The following PROX1 variants were observed in gnomAD, a reference collection of about 807,000 sequenced individuals.
The protein encoded by PROX1 is prospero homeobox protein 1.
PROX1 carries 7 observed loss-of-function variants against 58.8 expected under a neutral mutation model. The ratio of observed to expected loss-of-function variants is 0.12; its 90% CI spans 0.07 to 0.22. PROX1 has a LOEUF of 0.22. Among genes scored for constraint, PROX1 ranks in the 10% least tolerant of loss-of-function variants. PROX1 has a pLI of 1.00. For synonymous variants in PROX1, 350 were observed against 358.3 expected (o/e 0.98, Z 0.26); for missense variants, 675 against 927.8 (o/e 0.73, Z 3.54).
In PROX1 at chr1:213,996,646, A is replaced by G. The variant is rs755731452; in HGVS notation, c.111A>G (p.Ala37=). The part of the protein sequence containing the change: ...VGTASAFFAK[A]RATFFSAMNP... ...CAGCATCTGCATTTTTTGCTAAGGC[A>G]AGAGCAACGTTTTTTAGTGCCATGA... Residue 37 remains alanine, a synonymous_variant, in exon 2 of 5, where the codon GCA becomes GCG. Transcript: ENST00000366958. The G allele has an allele frequency of 6.2e-7, 1 of 1,614,212 alleles. No individual in the cohort carries two copies. Among genetic ancestry groups the G allele is most frequent in the Non-Finnish European group, 8.5e-7 (1 of 1,180,042 alleles).
chr1:214,012,583 C>T (rs746381664), intron 4 of PROX1, among the ~76,000 whole-genome samples: 1 of 152,156 alleles, frequency 6.6e-6, no homozygotes, highest in Non-Finnish European at 1.5e-5. Flanking sequence ...CTCACAAAGG[C>T]ATTTTGCTGA....
At chr1:214,008,971 T>C (rs769734831) in intron 3 of PROX1, among the ~76,000 whole-genome samples, 1 of 152,224 alleles carries the variant, frequency 6.6e-6, no homozygotes, top group African/African-American at 2.4e-5. Context: ...ACCAGCTCCC[T>C]GTTCACTACT....
chr1:214,018,896 A>AG (rs769776910), intron 4 of PROX1, among the ~76,000 whole-genome samples: 2 of 152,206 alleles, frequency 1.3e-5, no homozygotes, highest in Non-Finnish European at 2.9e-5. Context: ...CATACCAAAA[A>AG]GGGGGTCATA....
At position 214,039,800 on chromosome 1, in the gene PROX1, TACACACACACAC is replaced by T. The variant is rs34477510; in HGVS notation, c.*3986_*3997del. 2.4e-4 allele frequency: 32 copies of T among 134,934 alleles called. No individual in the cohort carries two copies. Among genetic ancestry groups the T allele is most frequent in the Non-Finnish European group, 4.1e-4 (26 of 63,874 alleles). 8.4% of individuals were successfully genotyped at this position (134,934 alleles called of 1,614,324 possible). On this transcript the variant is annotated 3_prime_UTR_variant, in exon 5 of 5. Transcript: ENST00000366958. The stretch of plus-strand genomic sequence containing the variant: ...CCCTTCCCATGCGCACATGTGCGCA[TACACACACACAC>T]ACACACACACACACACACAAACACA...
In PROX1 at chr1:213,996,513, G is replaced by C; in HGVS notation, c.-23G>C. Reference sequence around the variant, plus strand: ...TGTGCCCAGCTGACGAGCTTTTGAAGATGGCACAATAACCGTCCAGTGATG... The same window carrying C: ...TGTGCCCAGCTGACGAGCTTTTGAACATGGCACAATAACCGTCCAGTGATG... On this transcript the variant is annotated 5_prime_UTR_variant, in exon 2 of 5. Transcript: ENST00000366958. 1 of 1,591,364 alleles carries C rather than the reference G, an allele frequency of 6.3e-7. No individual in the cohort carries two copies. Among genetic ancestry groups the C allele is most frequent in the East Asian group, 2.2e-5 (1 of 44,492 alleles).
At chr1:214,000,480 T>C (rs763177505) in intron 2 of PROX1, among the ~76,000 whole-genome samples, 30 of 152,240 alleles carry the variant, frequency 2.0e-4, no homozygotes, top group African/African-American at 6.5e-4. Context: ...GAGCGGTGAT[T>C]CTGTTGGGAA....
chr1:214,000,143 A>G (rs1385637890), intron 2 of PROX1, among the ~76,000 whole-genome samples: 1 of 151,722 alleles, frequency 6.6e-6, no homozygotes, highest in East Asian at 1.9e-4. Context: ...AGGTTTCAAA[A>G]CTCCTGTAAG....
At chr1:214,027,680 C>G (rs1042645833) in intron 4 of PROX1, among the ~76,000 whole-genome samples, 2 of 152,076 alleles carry the variant, frequency 1.3e-5, no homozygotes, top group Non-Finnish European at 1.5e-5. Flanking sequence ...ACGTCTGCCC[C>G]GTTTTGAAAC....
chr1:213,994,747 GCAAATATATATATATATATATATATA>G (rs1282087325), intron 1 of PROX1, among the ~76,000 whole-genome samples: 1 of 77,030 alleles, frequency 1.3e-5, no homozygotes, highest in South Asian at 5.4e-4. Flanking sequence ...TCTCAAGCAT[GCAAATATATATATATATATATATATA>G]TATATATATA....
At chr1:214,028,052 G>C (rs1664519912) in intron 4 of PROX1, among the ~76,000 whole-genome samples, 1 of 151,968 alleles carries the variant, frequency 6.6e-6, no homozygotes, top group Admixed American at 6.6e-5. Context: ...AACTGCATGG[G>C]TATTAGACGA....
rs866433120 is a variant in PROX1 at position 214,014,249 on chromosome 1, A to C, written c.2028+2534A>C. Among the ~76,000 whole-genome samples, 7 of 152,350 alleles carry C rather than the reference A, an allele frequency of 4.6e-5. 1 individual carries two copies. Among genetic ancestry groups the C allele is most frequent in the Middle Eastern group, 3.4e-3 (1 of 294 alleles). On this transcript the variant is annotated intron_variant, in intron 4 of 4. Coordinates refer to ENST00000366958, the MANE Select transcript of PROX1 (RefSeq NM_001270616.2). ...GAATACCTCCACTGATACTGTGTGC[A>C]CGGCTTTACTTTTGTATTTAAGTTT...
chr1:214,020,669 G>A (rs1445809647), intron 4 of PROX1, among the ~76,000 whole-genome samples: 1 of 152,174 alleles, frequency 6.6e-6, no homozygotes, highest in Non-Finnish European at 1.5e-5. Flanking sequence ...TGAATTAATT[G>A]ATCTGTGTTA....
At chr1:214,006,435 C>T (rs1267291127) in intron 3 of PROX1, among the ~76,000 whole-genome samples, 1 of 152,186 alleles carries the variant, frequency 6.6e-6, no homozygotes, top group Admixed American at 6.5e-5. Flanking sequence ...CCTTCCCTGG[C>T]TGTGCTCCTT....
chr1:213,997,435 C>T lies in PROX1; in HGVS notation c.900C>T (p.Cys300=), dbSNP rs1663313490. ...DSVGRSDNEM[C]ELDPGQFIDR... is the part of the protein sequence containing the mutation. ...TCGGAAGGTCAGATAATGAGATGTG[C>T]GAGCTAGACCCAGGACAGTTTATTG... The change falls in exon 2 of 5, where the codon TGC becomes TGT. Residue 300 remains cysteine, a synonymous_variant. Coordinates refer to ENST00000366958, the MANE Select transcript of PROX1 (RefSeq NM_001270616.2). This position sits in a 1 kb window ranked among gnomAD's most constrained non-coding sequence, Gnocchi z 7.1. 3.1e-6 allele frequency: 5 copies of T among 1,614,030 alleles called. No homozygotes were observed. Among genetic ancestry groups the T allele is most frequent in the Middle Eastern group, 3.3e-4 (2 of 6,062 alleles).
rs1488483008 is a variant in PROX1 at position 213,996,848 on chromosome 1, G to C, written c.313G>C (p.Gly105Arg). 6.2e-7 allele frequency: 1 copy of C among 1,614,116 alleles called. No homozygotes were observed. The highest frequency in any genetic ancestry group is 1.1e-5 in the South Asian group (1 of 91,074). ...QLLKNNMNKN[G>R]GTEPSFQASG... ...GTTGAAAAATAACATGAACAAAAAT[G>C]GTGGCACGGAGCCCAGTTTCCAAGC... Residue 105 changes from glycine to arginine, a missense_variant, in exon 2 of 5, where the codon GGT becomes CGT. Around this residue, in one of 8 missense-constraint regions of PROX1, gnomAD observed 157 missense variants for 197.8 expected, o/e 0.79. Transcript: ENST00000366958.
chr1:214,036,977 A>G lies in PROX1; in HGVS notation c.*1143A>G, dbSNP rs1664849434. The G allele has an allele frequency of 6.6e-6, 1 of 152,278 alleles. No homozygotes were observed. Among genetic ancestry groups the G allele is most frequent in the Admixed American group, 6.5e-5 (1 of 15,286 alleles). The allele number at this position is 152,278 out of a possible 1,614,324, so 9.4% of individuals were successfully genotyped here. On this transcript the variant is annotated 3_prime_UTR_variant, in exon 5 of 5. Coordinates refer to ENST00000366958, the MANE Select transcript of PROX1 (RefSeq NM_001270616.2). ...AGTGTTTCTTCATTTTAGGTATAAC[A>G]TTTTAAAGCAATTGATAATGCCTCT...
rs777238722 is a variant in PROX1 at position 213,997,872 on chromosome 1, ACTC to A, written c.1341_1343del (p.Ser448del). 5.0e-6 allele frequency: 8 copies of A among 1,611,176 alleles called. No individual in the cohort carries two copies. The highest frequency in any genetic ancestry group is 6.8e-6 in the Non-Finnish European group (8 of 1,178,850). On this transcript the variant is annotated inframe_deletion, in exon 2 of 5. Coordinates refer to ENST00000366958, the MANE Select transcript of PROX1 (RefSeq NM_001270616.2). The surrounding 1 kb of genome is among the most constrained non-coding windows in gnomAD (Gnocchi z 7.1). The stretch of plus-strand genomic sequence containing the variant: ...GCACTGCCCCTGGTTGTCCGCAAAA[ACTC>A]CTCTGACCAGTCTGCCTCCGGCCCT...
chr1:213,984,918 C>T (rs577604505), upstream of PROX1: 1 of 152,384 alleles, frequency 6.6e-6, no homozygotes, highest in Non-Finnish European at 1.5e-5. Flanking sequence ...ACTGTCTTCC[C>T]TCCTGCCCCC....
At chr1:214,008,691 G>A (rs77341702) in intron 3 of PROX1, among the ~76,000 whole-genome samples, 2,079 of 152,294 alleles carry the variant, frequency 0.014, 56 homozygotes, top group African/African-American at 0.048. Context: ...AACGAAAGAG[G>A]TAGAGGGAAA....
Sources: gnomAD v4.1 joint callset for allele counts (sites outside exome capture counted in the v4.1 genomes callset) on GRCh38, gnomAD v4.1.1 for gene constraint, gnomAD v4.1.1 regional missense constraint, Gnocchi (gnomAD v3.1) non-coding constraint, MANE v1.5 for transcripts, NCBI Gene and HGNC (gene_info 2026-07-23, HGNC 2026-07-21) for gene names.